Variants in EPSTI1 observed in about 807,000 individuals in gnomAD.
EPSTI1 encodes epithelial stromal interaction 1, also known as epithelial-stromal interaction protein 1.
In EPSTI1, 66 loss-of-function variants were observed where a neutral mutation model predicts 49.9. That is an observed-to-expected ratio of 1.32 (90% confidence interval 1.08 to 1.62). The LOEUF is 1.62. Ranked by LOEUF, EPSTI1 falls within the 40% of genes most tolerant of loss-of-function variation. EPSTI1 has a pLI of 0.00. For synonymous variants in EPSTI1, 137 were observed against 130.7 expected, an observed-to-expected ratio of 1.05 and a Z score of -0.33; for missense variants, 394 against 365.5, an observed-to-expected ratio of 1.08 and a Z score of -0.64.
At chr13:42,981,002 G>C (rs755990075) in intron 1 of EPSTI1, among the ~76,000 whole-genome samples, 2 of 152,042 alleles carry the variant, frequency 1.3e-5, no homozygotes, top group Non-Finnish European at 2.9e-5. Context: ...GCTTTCACTA[G>C]TACCATAGTA....
rs191826412 is a variant in EPSTI1 at position 42,923,123 on chromosome 13, G to A, written c.657+3213C>T. Among the ~76,000 whole-genome samples, 13 of 152,292 alleles carry A rather than the reference G, an allele frequency of 8.5e-5. No individual in the cohort carries two copies. The East Asian group carries it at 1.4e-3, about 16-fold the overall frequency. On this transcript the variant is annotated intron_variant, in intron 7 of 10. Transcript: ENST00000313624. The stretch of plus-strand genomic sequence containing the variant: ...CAGAATCTAGAATTAAAGGAGAGAC[G>A]GAGGGACAGAGAGAGGAAAGGACTT...
intron 8 of EPSTI1, among the ~76,000 whole-genome samples, chr13:42,909,379 G>T (rs2037599568): frequency 6.6e-6 from 1 of 152,102 alleles, no homozygotes; most frequent in Non-Finnish European, 1.5e-5. Flanking sequence ...AGAGGTGTAA[G>T]TTCTCTCAAA....
chr13:42,923,167 T>C (rs898216015), intron 7 of EPSTI1, among the ~76,000 whole-genome samples: 2 of 152,292 alleles, frequency 1.3e-5, no homozygotes, highest in East Asian at 1.9e-4. Context: ...AGCTAAGACA[T>C]TTTGATTTTA....
chr13:42,973,130 G>C (rs1018588993), intron 1 of EPSTI1, among the ~76,000 whole-genome samples: 1 of 152,172 alleles, frequency 6.6e-6, no homozygotes, highest in South Asian at 2.1e-4. Flanking sequence ...TTTTGCAAAA[G>C]GTTTGGAGAG....
intron 1 of EPSTI1, among the ~76,000 whole-genome samples, chr13:42,990,415 C>T (rs1308643423): frequency 6.6e-6 from 1 of 151,994 alleles, no homozygotes; most frequent in African/African-American, 2.4e-5. Context: ...AATACTTATG[C>T]GATGATATGA....
intron 6 of EPSTI1, among the ~76,000 whole-genome samples, chr13:42,931,266 C>T (rs1253064227): frequency 2.9e-5 from 4 of 137,294 alleles, no homozygotes; most frequent in Admixed American, 8.0e-5. Flanking sequence ...ACTGCAGTGG[C>T]GCAATCTCGG....
rs563726183 is a variant in EPSTI1 at position 42,894,214 on chromosome 13, ATCT to A, written c.915+792_915+794del. ...TCTGTCAAGTATTTATTAAAGGAAG[ATCT>A]TCTCTAGATTTTCTAGGTCAGCAAG... On this transcript the variant is annotated intron_variant, in intron 10 of 10. Transcript: ENST00000313624. Among the ~76,000 whole-genome samples the A allele has an allele frequency of 8.5e-5, 13 of 152,342 alleles. 1 individual carries two copies. In the South Asian group the frequency reaches 2.7e-3, roughly 32 times the overall value.
At chr13:42,953,394 T>A (rs1174102173) in intron 6 of EPSTI1, among the ~76,000 whole-genome samples, 1 of 152,218 alleles carries the variant, frequency 6.6e-6, no homozygotes, top group Non-Finnish European at 1.5e-5. Context: ...AAAGCCTACA[T>A]AACAAAGTAG....
intron 1 of EPSTI1, among the ~76,000 whole-genome samples, chr13:42,984,777 A>T (rs1393093212): frequency 2.0e-5 from 3 of 152,238 alleles, no homozygotes; most frequent in Non-Finnish European, 4.4e-5. Flanking sequence ...GATTACAAAG[A>T]TTATTTCCTT....
chr13:42,920,200 T>C (rs567646207), intron 7 of EPSTI1, among the ~76,000 whole-genome samples: 4 of 152,218 alleles, frequency 2.6e-5, no homozygotes, highest in African/African-American at 9.6e-5. Context: ...GGCTTCCACA[T>C]AAATTTTGAG....
intron 8 of EPSTI1, among the ~76,000 whole-genome samples, chr13:42,913,870 T>A (rs1054854231): frequency 9.9e-5 from 15 of 152,240 alleles, no homozygotes; most frequent in African/African-American, 3.6e-4. Context: ...GATTAGATTG[T>A]GGAGGCGGAT....
chr13:42,927,209 AC>A (rs2038211593), intron 6 of EPSTI1, among the ~76,000 whole-genome samples: 1 of 152,100 alleles, frequency 6.6e-6, no homozygotes, highest in Admixed American at 6.6e-5. Flanking sequence ...AAAAATCCAA[AC>A]CACCACCCCA....
Position 42,888,479 on chromosome 13 carries a change from G to T in EPSTI1, c.*15C>A. On this transcript the variant is annotated 3_prime_UTR_variant, in exon 11 of 11. Coordinates refer to ENST00000313624, the MANE Select transcript of EPSTI1 (RefSeq NM_033255.5). ...GAGGTCAGTTGATGAAGGCCAGATA[G>T]GAGTCAATATTTTCTCATATACCCT... 1 of 1,613,662 alleles carries T rather than the reference G, an allele frequency of 6.2e-7. No individual in the cohort carries two copies. The highest frequency in any genetic ancestry group is 8.5e-7 in the Non-Finnish European group (1 of 1,179,790).
chr13:42,888,323 G>T lies in EPSTI1; in HGVS notation c.*171C>A, dbSNP rs756103219. ...TTCAGGAATCAGCTCCTCCAAACAT[G>T]CATAAATGAGGACAAGGAGAAGCCA... is the stretch of plus-strand genomic sequence containing the variant. On this transcript the variant is annotated 3_prime_UTR_variant, in exon 11 of 11. Coordinates refer to ENST00000313624, the MANE Select transcript of EPSTI1 (RefSeq NM_033255.5). The T allele has an allele frequency of 1.7e-5, 27 of 1,613,924 alleles. No homozygotes were observed. The African/African-American group carries it at 2.9e-4, about 18-fold the overall frequency.
At chr13:42,963,699 G>T in intron 4 of EPSTI1, 1 of 291,562 alleles carries the variant, frequency 3.4e-6, no homozygotes. Flanking sequence ...AAAAATCGCT[G>T]GGAATCTTAA....
chr13:42,956,531 C>G (rs777782064), intron 5 of EPSTI1, among the ~76,000 whole-genome samples: 1 of 152,134 alleles, frequency 6.6e-6, no homozygotes, highest in South Asian at 2.1e-4. Flanking sequence ...AAAAATAGAG[C>G]CAGTGTTCAG....
At chr13:42,927,602 C>T (rs1044575366) in intron 6 of EPSTI1, among the ~76,000 whole-genome samples, 2 of 152,192 alleles carry the variant, frequency 1.3e-5, no homozygotes, top group Admixed American at 1.3e-4. Context: ...GAATTAGAAA[C>T]TAAACAGGTG....
intron 7 of EPSTI1, 102 bp from the exon 8 acceptor site, chr13:42,917,726 C>A: frequency 1.3e-6 from 1 of 798,624 alleles, no homozygotes; most frequent in Non-Finnish European, 2.0e-6. Flanking sequence ...GTGCTAATAA[C>A]TCAACCTCCG....
In EPSTI1 at chr13:42,930,437, T is replaced by G. The variant is rs182722804; in HGVS notation, c.564-4008A>C. 5.1e-3 allele frequency among the ~76,000 whole-genome samples: 781 copies of G among 152,326 alleles called. 6 individuals carry two copies. The highest frequency in any genetic ancestry group is 8.5e-3 in the Non-Finnish European group (577 of 68,032). On this transcript the variant is annotated intron_variant, in intron 6 of 10. Transcript: ENST00000313624. ...CATAACTGGGTATGAGCAAATGACA[T>G]TCACACACCTATAAGCACTCACAGA...
Sources: gnomAD v4.1 joint callset for allele counts (sites outside exome capture counted in the v4.1 genomes callset) on GRCh38, gnomAD v4.1.1 for gene constraint, MANE v1.5 for transcripts, NCBI Gene and HGNC (gene_info 2026-07-23, HGNC 2026-07-21) for gene names.